RALGPS2: variants seen among roughly 807,000 people sequenced by gnomAD.
The protein encoded by RALGPS2 is Ral GEF with PH domain and SH3 binding motif 2, also known as ras-specific guanine nucleotide-releasing factor RalGPS2.
RALGPS2 carries 43 observed loss-of-function variants against 86.8 expected under a neutral mutation model. That is an observed-to-expected ratio of 0.50 (90% CI 0.39 to 0.64). The LOEUF (loss-of-function observed/expected upper bound fraction) is 0.64, where lower values mean the gene tolerates loss of function less well. Among genes scored for constraint, RALGPS2 ranks in the 30% least tolerant of loss-of-function variants. RALGPS2 has a pLI of 0.00. For missense variants in RALGPS2, 536 were observed against 694.6 expected, an observed-to-expected ratio of 0.77 and a Z score of 2.57; for synonymous variants, 243 against 231.3, an observed-to-expected ratio of 1.05 and a Z score of -0.46.
In RALGPS2 at chr1:178,916,468, C is replaced by G. The variant is rs1483450190; in HGVS notation, c.*109C>G. The G allele has an allele frequency of 3.9e-6, 4 of 1,033,226 alleles. No individual in the cohort carries two copies. The highest frequency in any genetic ancestry group is 5.6e-6 in the Non-Finnish European group (4 of 711,668). 64.0% of individuals were successfully genotyped at this position (1,033,226 alleles called of 1,614,324 possible). A position where few individuals can be genotyped will look rare whatever the true frequency, so the allele number is the denominator to read the frequency against. On this transcript the variant is annotated 3_prime_UTR_variant, in exon 20 of 20. Transcript: ENST00000367635. ...CTGTGCCAGGAAGAGCCCAGAGGCT[C>G]TGTCTCAGTCGTTGGAGTTCTCAAC...
intron 16 of RALGPS2, among the ~76,000 whole-genome samples, chr1:178,894,989 A>G (rs1248512673): frequency 6.6e-6 from 1 of 152,086 alleles, no homozygotes; most frequent in East Asian, 1.9e-4. Flanking sequence ...TTTTATTTAA[A>G]TTCCTGTAAT....
chr1:178,744,255 T>G (rs1558098406), intron 1 of RALGPS2, among the ~76,000 whole-genome samples: 1 of 152,176 alleles, frequency 6.6e-6, no homozygotes, highest in Non-Finnish European at 1.5e-5. Context: ...TATATGATCA[T>G]CTCAGAAAAT....
chr1:178,812,680 A>G (rs1655037966), intron 6 of RALGPS2, among the ~76,000 whole-genome samples: 1 of 152,194 alleles, frequency 6.6e-6, no homozygotes. Context: ...ACGTTCATTC[A>G]TTACTCTTGT....
intron 7 of RALGPS2, among the ~76,000 whole-genome samples, chr1:178,830,864 A>G (rs899591452): frequency 2.0e-5 from 3 of 152,180 alleles, no homozygotes; most frequent in African/African-American, 7.2e-5. Context: ...AATGTGTCCA[A>G]CACAAGAATT....
chr1:178,776,780 G>A lies in RALGPS2; in HGVS notation c.16G>A (p.Gly6Arg), dbSNP rs139533001. Reference sequence around the variant, plus strand: ...TGAGGAAAGCATGGACCTAATGAACGGGCAGGCAAGCAGTGTCAATATTGC... The same window carrying A: ...TGAGGAAAGCATGGACCTAATGAACAGGCAGGCAAGCAGTGTCAATATTGC... MDLMNGQASSVNIAAT... is the reference protein window; with the variant it reads MDLMNRQASSVNIAAT... The change falls in exon 2 of 20, where the codon GGG becomes AGG. Residue 6 changes from glycine to arginine, a missense_variant. Gly to Arg is a moderately radical substitution (Grantham distance 125, BLOSUM62 -2). Coordinates refer to ENST00000367635, the MANE Select transcript of RALGPS2 (RefSeq NM_152663.5). 10 of 1,612,760 alleles carry A rather than the reference G, an allele frequency of 6.2e-6. No homozygotes were observed. Among genetic ancestry groups the A allele is most frequent in the Admixed American group, 1.7e-5 (1 of 59,910 alleles).
chr1:178,728,174 G>A (rs1447096084), intron 1 of RALGPS2, among the ~76,000 whole-genome samples: 2 of 151,968 alleles, frequency 1.3e-5, no homozygotes, highest in Non-Finnish European at 2.9e-5. Context: ...ATATTCTCTC[G>A]GCATTTATTT....
intron 8 of RALGPS2, among the ~76,000 whole-genome samples, chr1:178,843,217 G>A (rs1239405258): frequency 6.3e-5 from 9 of 143,676 alleles, no homozygotes; most frequent in South Asian, 2.3e-4. Context: ...TGTTTATTGC[G>A]GCATTATTCA....
chr1:178,899,856 TC>T (rs763139989), intron 17 of RALGPS2, among the ~76,000 whole-genome samples: 1 of 151,850 alleles, frequency 6.6e-6, no homozygotes, highest in Non-Finnish European at 1.5e-5. Flanking sequence ...TTTAGTTGAA[TC>T]CTGGAGTTAT....
chr1:178,791,287 A>ATTT (rs563179993), intron 4 of RALGPS2, among the ~76,000 whole-genome samples: 7 of 128,296 alleles, frequency 5.5e-5, no homozygotes, highest in African/African-American at 2.0e-4. Context: ...CACCTGCCTA[A>ATTT]TTTTTTTTTT....
chr1:178,772,857 A>C (rs1422020936), intron 1 of RALGPS2, among the ~76,000 whole-genome samples: 2 of 152,194 alleles, frequency 1.3e-5, no homozygotes, highest in Non-Finnish European at 2.9e-5. Context: ...GGTGGAGTAC[A>C]GTGGTGCAAT....
intron 1 of RALGPS2, among the ~76,000 whole-genome samples, chr1:178,743,824 T>A (rs573795198): frequency 1.3e-5 from 2 of 152,284 alleles, no homozygotes; most frequent in East Asian, 3.9e-4. Flanking sequence ...AATAACCCTG[T>A]ATCTGTTAAA....
intron 10 of RALGPS2, among the ~76,000 whole-genome samples, chr1:178,880,389 T>A (rs1257359088): frequency 6.6e-6 from 1 of 152,210 alleles, no homozygotes; most frequent in Non-Finnish European, 1.5e-5. Flanking sequence ...ATCTTCTCTC[T>A]CACACCATAA....
chr1:178,763,869 A>AT (rs1357927148), intron 1 of RALGPS2, among the ~76,000 whole-genome samples: 2 of 150,228 alleles, frequency 1.3e-5, no homozygotes, highest in African/African-American at 2.5e-5. Context: ...GCTTTGTATG[A>AT]TTTTGTTTTT....
chr1:178,801,034 C>T (rs1654445363), intron 4 of RALGPS2, among the ~76,000 whole-genome samples: 1 of 151,690 alleles, frequency 6.6e-6, no homozygotes. Context: ...TCAAGTTATT[C>T]TCCTGCCTCA....
chr1:178,848,438 G>A lies in RALGPS2; in HGVS notation c.607+14888G>A, dbSNP rs187671763. ...TATTCCTAGATGACCTGCAAAGTAG[G>A]TAGCTCTTGGACCTTACCTACCACA... On this transcript the variant is annotated intron_variant, in intron 8 of 19. Coordinates refer to ENST00000367635, the MANE Select transcript of RALGPS2 (RefSeq NM_152663.5). Among the ~76,000 whole-genome samples the A allele has an allele frequency of 1.2e-3, 178 of 152,276 alleles. 2 individuals carry two copies. The highest frequency in any genetic ancestry group is 3.9e-3 in the African/African-American group (162 of 41,552).
In RALGPS2 at chr1:178,827,070, G is replaced by A. The variant is rs527400708; in HGVS notation, c.480+5366G>A. On this transcript the variant is annotated intron_variant, in intron 7 of 19. Coordinates refer to ENST00000367635, the MANE Select transcript of RALGPS2 (RefSeq NM_152663.5). ...AGTTGCATTTCTGTACATTAATAAC[G>A]AACTATCTGAAAAATTAAGTTTAAC... Among the ~76,000 whole-genome samples the A allele has an allele frequency of 7.2e-5, 11 of 152,122 alleles. No individual in the cohort carries two copies. The East Asian group carries it at 1.5e-3, about 21-fold the overall frequency.
chr1:178,890,113 T>C (rs896542278), intron 14 of RALGPS2, among the ~76,000 whole-genome samples: 1 of 151,996 alleles, frequency 6.6e-6, no homozygotes, highest in Non-Finnish European at 1.5e-5. Flanking sequence ...TTTTAAATTA[T>C]ACAAGTAAAG....
At chr1:178,907,367 A>G (rs1572472765) in intron 19 of RALGPS2, among the ~76,000 whole-genome samples, 1 of 152,242 alleles carries the variant, frequency 6.6e-6, no homozygotes, top group Non-Finnish European at 1.5e-5. Context: ...ATTAGATGGC[A>G]TATTAAATTA....
intron 4 of RALGPS2, among the ~76,000 whole-genome samples, chr1:178,802,840 A>C (rs1654546478): frequency 6.6e-6 from 1 of 152,184 alleles, no homozygotes; most frequent in Admixed American, 6.5e-5. Context: ...ATGATAAAAT[A>C]GACTAGTATT....
Sources: allele counts gnomAD v4.1 joint callset (sites outside exome capture counted in the v4.1 genomes callset), GRCh38; gene constraint gnomAD v4.1.1; transcripts MANE v1.5; gene names NCBI Gene and HGNC (gene_info 2026-07-23, HGNC 2026-07-21).